MAGI2: variants seen among roughly 807,000 people sequenced by gnomAD.
MAGI2 encodes the protein membrane associated guanylate kinase, WW and PDZ domain containing 2.
Under a neutral mutation model 133.3 loss-of-function variants are expected in MAGI2, and 35 were observed. The ratio of observed to expected loss-of-function variants is 0.26; its 90% CI spans 0.20 to 0.35. The LOEUF (loss-of-function observed/expected upper bound fraction) is 0.35. MAGI2 is among the 10% of genes least tolerant of loss of function. The pLI is 1.00. For synonymous variants in MAGI2, 729 were observed against 710.6 expected (o/e 1.03, Z -0.41); for missense variants, 1,636 against 1,863.4 (o/e 0.88, Z 2.25).
chr7:78,172,762 G>C (rs1826235537), intron 14 of MAGI2, among the ~76,000 whole-genome samples: 1 of 152,140 alleles, frequency 6.6e-6, no homozygotes, highest in African/African-American at 2.4e-5. Context: ...CACCTTACAT[G>C]CCTCTCCCTT....
In MAGI2 at chr7:79,300,800, C is replaced by T. The variant is rs190325642; in HGVS notation, c.301+152220G>A. Among the ~76,000 whole-genome samples, 236 of 152,304 alleles carry T rather than the reference C, an allele frequency of 1.5e-3. 1 individual carries two copies. The highest frequency in any genetic ancestry group is 5.2e-3 in the African/African-American group (216 of 41,564). ...TTGTGGCAGCCCATCACATCACAGG[C>T]CTGAGGCCTAGGGGAAAGAATGTTT... On this transcript the variant is annotated intron_variant, in intron 1 of 21. Coordinates refer to ENST00000354212, the MANE Select transcript of MAGI2 (RefSeq NM_012301.4).
intron 20 of MAGI2, among the ~76,000 whole-genome samples, chr7:78,101,378 AC>A (rs1024286713): frequency 1.4e-4 from 21 of 152,302 alleles, no homozygotes; most frequent in African/African-American, 5.1e-4. Context: ...AGAGTAGAGA[AC>A]CCAGAAATAA....
chr7:78,265,007 G>T (rs1294185400), intron 9 of MAGI2, among the ~76,000 whole-genome samples: 1 of 152,066 alleles, frequency 6.6e-6, no homozygotes, highest in Non-Finnish European at 1.5e-5. Flanking sequence ...TTTCTCAAAA[G>T]AATGAAAGGC....
intron 20 of MAGI2, among the ~76,000 whole-genome samples, chr7:78,084,074 T>C (rs1401287027): frequency 2.0e-5 from 3 of 152,242 alleles, no homozygotes; most frequent in Admixed American, 6.5e-5. Context: ...TGTAATCAGT[T>C]AATTGCCCTC....
chr7:78,479,013 A>T (rs1053599657), intron 6 of MAGI2, among the ~76,000 whole-genome samples: 14 of 152,060 alleles, frequency 9.2e-5, no homozygotes, highest in Admixed American at 7.2e-4. Flanking sequence ...TAGATCCCAG[A>T]AAGGGTAACA....
At position 79,310,765 on chromosome 7, in the gene MAGI2, A is replaced by C. The variant is rs141493696; in HGVS notation, c.301+142255T>G. Among the ~76,000 whole-genome samples the C allele has an allele frequency of 4.6e-5, 7 of 152,298 alleles. No individual in the cohort carries two copies. The East Asian group carries it at 1.2e-3, about 25-fold the overall frequency. On this transcript the variant is annotated intron_variant, in intron 1 of 21. Coordinates refer to ENST00000354212, the MANE Select transcript of MAGI2 (RefSeq NM_012301.4). ...TCAAGTAAAATTTATCACTATGAGC[A>C]AATTGTGACCCTAGTTGAGACCAAT... is the stretch of plus-strand genomic sequence containing the variant.
intron 2 of MAGI2, among the ~76,000 whole-genome samples, chr7:78,718,847 A>G (rs1480029657): frequency 1.3e-5 from 2 of 152,180 alleles, no homozygotes; most frequent in African/African-American, 4.8e-5. Context: ...GTTAGGGACC[A>G]CTGCTCTAGA....
At chr7:78,929,021 T>C (rs1799916733) in intron 2 of MAGI2, among the ~76,000 whole-genome samples, 1 of 152,056 alleles carries the variant, frequency 6.6e-6, no homozygotes. Context: ...CTATAAGCTC[T>C]CTCAGAGGTT....
chr7:78,367,314 G>A (rs1793480649), intron 7 of MAGI2, among the ~76,000 whole-genome samples: 1 of 152,144 alleles, frequency 6.6e-6, no homozygotes, highest in South Asian at 2.1e-4. Flanking sequence ...TAGATGATTA[G>A]GACAGAGAAG....
chr7:78,348,064 C>T (rs945794674), intron 7 of MAGI2, among the ~76,000 whole-genome samples: 5 of 152,142 alleles, frequency 3.3e-5, no homozygotes, highest in Non-Finnish European at 7.3e-5. Context: ...CCTGATTTTG[C>T]CCTCACTCAT....
At chr7:78,443,512 T>C (rs916611497) in intron 6 of MAGI2, among the ~76,000 whole-genome samples, 1 of 152,184 alleles carries the variant, frequency 6.6e-6, no homozygotes, top group African/African-American at 2.4e-5. Flanking sequence ...AAGCCCTCTA[T>C]AAACATTTTC....
chr7:79,194,280 TTTG>T (rs957350432), intron 1 of MAGI2, among the ~76,000 whole-genome samples: 1 of 151,990 alleles, frequency 6.6e-6, no homozygotes, highest in Non-Finnish European at 1.5e-5. Flanking sequence ...AACACACCTT[TTTG>T]TTGTTGTTTC....
chr7:78,896,881 T>C (rs1337386840), intron 2 of MAGI2, among the ~76,000 whole-genome samples: 1 of 152,216 alleles, frequency 6.6e-6, no homozygotes, highest in Non-Finnish European at 1.5e-5. Context: ...CTCTTTGGCG[T>C]CATTGCCACC....
chr7:78,470,833 C>T (rs1464784194), intron 6 of MAGI2, among the ~76,000 whole-genome samples: 2 of 152,048 alleles, frequency 1.3e-5, no homozygotes, highest in African/African-American at 4.8e-5. Flanking sequence ...GTAACTAAGA[C>T]ATAAAGCTGT....
intron 2 of MAGI2, among the ~76,000 whole-genome samples, chr7:78,655,064 C>T (rs898923058): frequency 2.0e-5 from 3 of 151,600 alleles, no homozygotes; most frequent in Admixed American, 6.6e-5. Context: ...TTATATATCG[C>T]ATGCCCGTAA....
At chr7:78,719,908 C>T (rs1306130209) in intron 2 of MAGI2, among the ~76,000 whole-genome samples, 1 of 152,040 alleles carries the variant, frequency 6.6e-6, no homozygotes, top group East Asian at 1.9e-4. Flanking sequence ...TTAATGTGTG[C>T]ACTAATCTTT....
intron 6 of MAGI2, among the ~76,000 whole-genome samples, chr7:78,442,780 C>G (rs1787755763): frequency 6.6e-6 from 1 of 152,074 alleles, no homozygotes; most frequent in Non-Finnish European, 1.5e-5. Flanking sequence ...TTTAGCATAA[C>G]TGAGCATTAA....
At chr7:78,803,034 A>G (rs866883997) in intron 2 of MAGI2, among the ~76,000 whole-genome samples, 1 of 152,012 alleles carries the variant, frequency 6.6e-6, no homozygotes, top group Non-Finnish European at 1.5e-5. Context: ...TTTTAATATT[A>G]ATGACCATGA....
At chr7:78,179,216 G>A (rs1405415140) in intron 13 of MAGI2, among the ~76,000 whole-genome samples, 3 of 152,242 alleles carry the variant, frequency 2.0e-5, no homozygotes, top group Non-Finnish European at 4.4e-5. Context: ...ACTGATAGAA[G>A]CAGGTATTAA....
Sources: allele counts gnomAD v4.1 joint callset (sites outside exome capture counted in the v4.1 genomes callset), GRCh38; gene constraint gnomAD v4.1.1; transcripts MANE v1.5; gene names NCBI Gene and HGNC (gene_info 2026-07-23, HGNC 2026-07-21).